PBX1: variants seen among roughly 807,000 people sequenced by gnomAD.
The protein encoded by PBX1 is pre-B-cell leukemia transcription factor 1.
A neutral mutation model predicts 53.4 loss-of-function variants in PBX1; 6 were observed. The observed-to-expected ratio is 0.11, with a 90% CI of 0.06 to 0.22. PBX1 has a LOEUF of 0.22. PBX1 is among the 10% of genes least tolerant of loss of function. The pLI is 1.00. For missense variants in PBX1, 251 were observed against 551.4 expected (o/e 0.46, Z 5.46); for synonymous variants, 204 against 212.3 (o/e 0.96, Z 0.34).
intron 2 of PBX1, chr1:164,770,614 T>C (rs16834635): frequency 0.089 from 13,604 of 152,206 alleles, 885 homozygotes; most frequent in East Asian, 0.19. Context: ...TCATCTCTAT[T>C]TTCTGCTATA....
At chr1:164,610,021 G>T (rs1291579799) in intron 2 of PBX1, among the ~76,000 whole-genome samples, 4 of 152,088 alleles carry the variant, frequency 2.6e-5, no homozygotes, top group African/African-American at 9.7e-5. Flanking sequence ...TACACCAGAG[G>T]GTTGGTGCAC....
At chr1:164,733,959 G>T (rs1441377993) in intron 2 of PBX1, among the ~76,000 whole-genome samples, 1 of 152,156 alleles carries the variant, frequency 6.6e-6, no homozygotes, top group African/African-American at 2.4e-5. Flanking sequence ...TTCTGTGGTT[G>T]ACTAATTAGC....
At chr1:164,712,860 C>T (rs895663037) in intron 2 of PBX1, among the ~76,000 whole-genome samples, 3 of 152,204 alleles carry the variant, frequency 2.0e-5, no homozygotes, top group African/African-American at 7.2e-5. Context: ...AGACTGGTCT[C>T]TTTCCACATT....
intron 2 of PBX1, chr1:164,626,220 T>G: frequency 6.5e-6 from 3 of 459,842 alleles, no homozygotes; most frequent in Non-Finnish European, 5.9e-6. Context: ...CACACATCTA[T>G]CTTGATGGCA....
At chr1:164,814,733 C>G (rs923222744) in intron 6 of PBX1, 1 of 154,290 alleles carries the variant, frequency 6.5e-6, no homozygotes, top group African/African-American at 2.4e-5. Flanking sequence ...AGCGAAACTC[C>G]AACTCCAAAA....
At chr1:164,779,964 T>C (rs1363906333) in intron 2 of PBX1, among the ~76,000 whole-genome samples, 7 of 152,128 alleles carry the variant, frequency 4.6e-5, no homozygotes, top group Non-Finnish European at 8.8e-5. Flanking sequence ...GAGGCAGATA[T>C]TTAAAGGAAA....
intron 2 of PBX1, among the ~76,000 whole-genome samples, chr1:164,664,532 T>TTA (rs561718659): frequency 1.1e-4 from 17 of 152,336 alleles, no homozygotes; most frequent in African/African-American, 3.1e-4. Flanking sequence ...GCACAATGTA[T>TTA]TAGAGTTTTT....
intron 3 of PBX1, among the ~76,000 whole-genome samples, chr1:164,798,007 A>T (rs1215621493): frequency 6.6e-6 from 1 of 152,218 alleles, no homozygotes; most frequent in Admixed American, 6.5e-5. Context: ...CATGGGTGCC[A>T]TTAGCCTTGC....
At chr1:164,780,865 A>G (rs566286784) in intron 2 of PBX1, among the ~76,000 whole-genome samples, 1 of 152,254 alleles carries the variant, frequency 6.6e-6, no homozygotes, top group South Asian at 2.1e-4. Context: ...CCTCTTGTCC[A>G]GGACACCGTT....
chr1:164,614,246 GAT>G (rs1270505568), intron 2 of PBX1, among the ~76,000 whole-genome samples: 2 of 152,176 alleles, frequency 1.3e-5, no homozygotes, highest in African/African-American at 4.8e-5. Context: ...CAGCCTCTCT[GAT>G]TTTACAAATG....
intron 2 of PBX1, among the ~76,000 whole-genome samples, chr1:164,757,129 A>C (rs149083536): frequency 2.6e-3 from 396 of 152,258 alleles, no homozygotes; most frequent in African/African-American, 9.3e-3. Flanking sequence ...AGGACATAGC[A>C]ATGAACAAGA....
At chr1:164,697,648 A>T (rs1310330136) in intron 2 of PBX1, among the ~76,000 whole-genome samples, 3 of 152,260 alleles carry the variant, frequency 2.0e-5, no homozygotes, top group Non-Finnish European at 4.4e-5. Flanking sequence ...CTAGGGGGAC[A>T]TCTTTAGCCA....
chr1:164,576,400 G>C (rs1177035257), intron 2 of PBX1, among the ~76,000 whole-genome samples: 3 of 152,184 alleles, frequency 2.0e-5, no homozygotes, highest in African/African-American at 7.2e-5. Flanking sequence ...CGGTCCGCCG[G>C]CGCGGCGCCG....
rs757424601 is a variant in PBX1, at chr1:164,812,103, A to G, written c.951A>G (p.Ser317=). The part of the protein sequence containing the change: ...AKTAVTATNV[S]AHGSQANSPS... ...CAGCTGTCACTGCTACCAATGTGTC[A>G]GCCCATGGAAGCCAAGCTAACTCGC... is the stretch of plus-strand genomic sequence containing the variant. The change falls in exon 6 of 9, where the codon TCA becomes TCG. Residue 317 remains serine, a synonymous_variant. Transcript: ENST00000420696. 1 of 1,613,846 alleles carries G rather than the reference A, an allele frequency of 6.2e-7. No individual in the cohort carries two copies. Among genetic ancestry groups the G allele is most frequent in the Admixed American group, 1.7e-5 (1 of 60,000 alleles).
At chr1:164,673,334 G>A (rs771199372) in intron 2 of PBX1, among the ~76,000 whole-genome samples, 4 of 152,014 alleles carry the variant, frequency 2.6e-5, no homozygotes, top group East Asian at 1.9e-4. Flanking sequence ...GGCTGGGAGC[G>A]CCCAGAACCT....
intron 2 of PBX1, among the ~76,000 whole-genome samples, chr1:164,883,313 A>G (rs1459941677): frequency 1.3e-5 from 2 of 152,146 alleles, no homozygotes; most frequent in African/African-American, 2.4e-5. Context: ...TGTCAACTCA[A>G]TCAATTGTCA....
At position 164,820,120 on chromosome 1, in the gene PBX1, G is replaced by A. The variant is rs1670080053; in HGVS notation, c.1046G>A (p.Ser349Asn). Residue 349 changes from serine to asparagine, a missense_variant, in exon 7 of 9, where the codon AGC (serine) becomes AAC (asparagine). Around this residue, in one of 4 missense-constraint regions of PBX1, gnomAD observed 92 missense variants for 130.4 expected, o/e 0.71. Coordinates refer to ENST00000420696, the MANE Select transcript of PBX1 (RefSeq NM_002585.4). ...NMSNSGDLFM[S>N]VQSLNGDSYQ... ...TCAAACTCTGGAGATTTGTTCATGAGCGTGCAGTCACTCAATGGGGATTCT... is the reference window on the plus strand; with the variant it reads ...TCAAACTCTGGAGATTTGTTCATGAACGTGCAGTCACTCAATGGGGATTCT... 7.4e-6 allele frequency: 12 copies of A among 1,613,872 alleles called. No homozygotes were observed. Among genetic ancestry groups the A allele is most frequent in the Middle Eastern group, 1.6e-4 (1 of 6,062 alleles).
rs541812979 is a variant in PBX1, at chr1:164,677,344, G to T, written c.265+114033G>T. 8.0e-5 allele frequency among the ~76,000 whole-genome samples: 12 copies of T among 150,368 alleles called. No homozygotes were observed. The East Asian group carries it at 2.4e-3, about 30-fold the overall frequency. ...CCTGACCTCATGATCCACCCGCCTC[G>T]GCCTCCCAAAGTGCTGGGATTACAG... On this transcript the variant is annotated intron_variant, in intron 2 of 8. Transcript: ENST00000420696.
At chr1:164,629,869 C>T (rs530325957) in intron 2 of PBX1, among the ~76,000 whole-genome samples, 2 of 152,262 alleles carry the variant, frequency 1.3e-5, no homozygotes, top group African/African-American at 4.8e-5. Context: ...TTTCTGTAAT[C>T]TGTTCTCTTA....
Sources: allele counts gnomAD v4.1 joint callset (sites outside exome capture counted in the v4.1 genomes callset), GRCh38; gene constraint gnomAD v4.1.1; regional missense constraint gnomAD v4.1.1; transcripts MANE v1.5; gene names NCBI Gene and HGNC (gene_info 2026-07-23, HGNC 2026-07-21).